ITPR2: variants seen among roughly 807,000 people sequenced by gnomAD.
ITPR2 encodes inositol 1,4,5-trisphosphate-gated calcium channel ITPR2.
ITPR2 carries 207 observed loss-of-function variants against 317.1 expected under a neutral mutation model. The ratio of observed to expected loss-of-function variants is 0.65; its 90% CI spans 0.58 to 0.73. The LOEUF is 0.73. Ranked by LOEUF, ITPR2 falls within the 30% of genes least tolerant of loss-of-function variation. ITPR2 has a pLI of 0.00. For missense variants in ITPR2, 2,613 were observed against 3,284.0 expected (o/e 0.80, Z 4.99); for synonymous variants, 1,156 against 1,149.1 (o/e 1.01, Z -0.12).
chr12:26,362,296 C>T (rs1004763776), intron 55 of ITPR2, among the ~76,000 whole-genome samples: 3 of 152,182 alleles, frequency 2.0e-5, no homozygotes, highest in South Asian at 2.1e-4. Context: ...AGGTCAAACC[C>T]AGAACTAGCA....
chr12:26,348,452 T>A (rs1446688742), intron 55 of ITPR2, among the ~76,000 whole-genome samples: 1 of 152,176 alleles, frequency 6.6e-6, no homozygotes, highest in African/African-American at 2.4e-5. Context: ...TTAGGCATTA[T>A]CTCAAAAAAT....
In ITPR2 at chr12:26,663,465, C is replaced by G. The variant is rs561441244; in HGVS notation, c.1713+220G>C. ...AACAGGCACATATTAGTACTCAGGACATCCTCCCCCAGTGATTCTAATTTC... is the reference window on the plus strand; with the variant it reads ...AACAGGCACATATTAGTACTCAGGAGATCCTCCCCCAGTGATTCTAATTTC... On this transcript the variant is annotated intron_variant, in intron 15 of 56. Coordinates refer to ENST00000381340, the MANE Select transcript of ITPR2 (RefSeq NM_002223.4). 3.3e-4 allele frequency among the ~76,000 whole-genome samples: 50 copies of G among 152,342 alleles called. 3 individuals are homozygous for G. The South Asian group carries it at 9.3e-3, about 28-fold the overall frequency.
intron 9 of ITPR2, among the ~76,000 whole-genome samples, chr12:26,696,457 G>A (rs565370628): frequency 6.6e-6 from 1 of 152,122 alleles, no homozygotes; most frequent in Non-Finnish European, 1.5e-5. Flanking sequence ...TAAAATGTAA[G>A]GTTAGGAGTC....
intron 1 of ITPR2, among the ~76,000 whole-genome samples, chr12:26,809,264 G>T (rs766519403): frequency 6.6e-6 from 1 of 152,018 alleles, no homozygotes; most frequent in Non-Finnish European, 1.5e-5. Context: ...GTCCCTAAAC[G>T]TCCCCTAAGA....
At chr12:26,528,519 C>T (rs145284751) in intron 37 of ITPR2, among the ~76,000 whole-genome samples, 1 of 152,312 alleles carries the variant, frequency 6.6e-6, no homozygotes, top group East Asian at 1.9e-4. Flanking sequence ...CATTTCTTCA[C>T]AGGTCACTGA....
At chr12:26,713,972 C>T (rs943403213) in intron 8 of ITPR2, among the ~76,000 whole-genome samples, 1 of 152,200 alleles carries the variant, frequency 6.6e-6, no homozygotes, top group African/African-American at 2.4e-5. Context: ...CCCAGAGCTT[C>T]TCAGTTCCAT....
chr12:26,777,567 G>T (rs34699075), intron 2 of ITPR2, among the ~76,000 whole-genome samples: 1 of 152,072 alleles, frequency 6.6e-6, no homozygotes, highest in Admixed American at 6.5e-5. Context: ...AGTCTGACTC[G>T]TGTAGAGCTC....
chr12:26,660,470 G>A (rs948888344), intron 15 of ITPR2, among the ~76,000 whole-genome samples: 13 of 152,082 alleles, frequency 8.5e-5, no homozygotes, highest in Middle Eastern at 3.2e-3. Flanking sequence ...TGATTCCTTG[G>A]GATTCTCCCT....
At chr12:26,621,048 T>A (rs1267710754) in intron 26 of ITPR2, 75 bp downstream of exon 26, 1 of 1,295,106 alleles carries the variant, frequency 7.7e-7, no homozygotes, top group Non-Finnish European at 1.1e-6. Flanking sequence ...ACAATTTTGA[T>A]TGTAGAGCAT....
At chr12:26,437,745 C>T (rs1216027280) in intron 47 of ITPR2, among the ~76,000 whole-genome samples, 1 of 151,998 alleles carries the variant, frequency 6.6e-6, no homozygotes, top group East Asian at 1.9e-4. Context: ...AGCACTAGTT[C>T]AGTATTCAAT....
chr12:26,782,411 A>C (rs1239445619), intron 2 of ITPR2, among the ~76,000 whole-genome samples: 1 of 152,154 alleles, frequency 6.6e-6, no homozygotes, highest in Non-Finnish European at 1.5e-5. Context: ...AAAAAAAGTA[A>C]GACTAGAAGA....
chr12:26,578,739 G>A lies in ITPR2; in HGVS notation c.4604C>T (p.Ser1535Phe). The A allele has an allele frequency of 1.2e-6, 2 of 1,607,108 alleles. No homozygotes were observed. The highest frequency in any genetic ancestry group is 8.5e-7 in the Non-Finnish European group (1 of 1,175,094). The change falls in exon 34 of 57, where the codon TCC (serine) becomes TTC (phenylalanine). Residue 1535 changes from serine to phenylalanine, a missense_variant. Ser to Phe is a radical substitution (Grantham distance 155). Coordinates refer to ENST00000381340, the MANE Select transcript of ITPR2 (RefSeq NM_002223.4). ...PNPAQKASVE[S>F]CIRTLAEVAK... is the part of the protein sequence containing the mutation. The stretch of plus-strand genomic sequence containing the variant: ...CACTTCAGCCAAAGTTCTGATACAG[G>A]ATTCCACTGAGGCTTTCTGCGCTGG...
rs1946568579 is a variant in ITPR2 at position 26,624,330 on chromosome 12, C to A, written c.3091G>T (p.Ala1031Ser). Residue 1031 changes from alanine to serine, a missense_variant, in exon 24 of 57, where the codon GCA becomes TCA. Ala to Ser is a moderately conservative substitution (Grantham distance 99, BLOSUM62 1). Around this residue, in one of 9 missense-constraint regions of ITPR2, gnomAD observed 817 missense variants for 897.6 expected, o/e 0.91. Coordinates refer to ENST00000381340, the MANE Select transcript of ITPR2 (RefSeq NM_002223.4). Reference sequence around the variant, plus strand: ...GCAAACATAGTTTCTGCCTGAGCTGCAATTTCATCTATATCAGGAACAATA... The same window carrying A: ...GCAAACATAGTTTCTGCCTGAGCTGAAATTTCATCTATATCAGGAACAATA... ...SAIVPDIDEI[A>S]AQAETMFAGR... is the part of the protein sequence containing the mutation. 1 of 1,609,800 alleles carries A rather than the reference C, an allele frequency of 6.2e-7. No individual in the cohort carries two copies. Among genetic ancestry groups the A allele is most frequent in the African/African-American group, 1.3e-5 (1 of 74,736 alleles).
At chr12:26,659,525 G>A (rs1947449049) in intron 15 of ITPR2, among the ~76,000 whole-genome samples, 1 of 152,102 alleles carries the variant, frequency 6.6e-6, no homozygotes, top group East Asian at 1.9e-4. Context: ...ATAATTATCA[G>A]TATAGGTATT....
chr12:26,395,675 C>G (rs1425446661), intron 54 of ITPR2, among the ~76,000 whole-genome samples: 1 of 152,166 alleles, frequency 6.6e-6, no homozygotes, highest in Non-Finnish European at 1.5e-5. Context: ...GCATCATTCT[C>G]CTGTATGGGA....
At chr12:26,616,995 A>G (rs564972549) in intron 26 of ITPR2, among the ~76,000 whole-genome samples, 1 of 152,272 alleles carries the variant, frequency 6.6e-6, no homozygotes, top group Admixed American at 6.5e-5. Context: ...AATTCACACA[A>G]CACAGAAAAT....
In ITPR2 at chr12:26,342,770, C is replaced by T. The variant is rs554702659; in HGVS notation, c.7858-2442G>A. Among the ~76,000 whole-genome samples, 43 of 152,104 alleles carry T rather than the reference C, an allele frequency of 2.8e-4. 1 individual carries two copies. The highest frequency in any genetic ancestry group is 4.4e-5 in the Non-Finnish European group (3 of 67,996). ...GATTATAGGTGTGCGCCACCATGCC[C>T]GGCTGATTTTGAATTTTTAGTAGAG... On this transcript the variant is annotated intron_variant, in intron 55 of 56. Transcript: ENST00000381340.
chr12:26,785,425 A>G (rs1592129696), intron 2 of ITPR2, among the ~76,000 whole-genome samples: 3 of 62,862 alleles, frequency 4.8e-5, no homozygotes, highest in Non-Finnish European at 7.9e-5. Flanking sequence ...TCCAGGAGGG[A>G]GGTGGGGGGG....
In ITPR2 at chr12:26,793,274, T is replaced by G. The variant is rs1036118261; in HGVS notation, c.93-3047A>C. ...TTGATCTATTCCATCCCTAGTTAAC[T>G]CATTTAGACCATGTCATAATTTTGC... On this transcript the variant is annotated intron_variant, in intron 1 of 56. Coordinates refer to ENST00000381340, the MANE Select transcript of ITPR2 (RefSeq NM_002223.4). Among the ~76,000 whole-genome samples, 4 of 152,172 alleles carry G rather than the reference T, an allele frequency of 2.6e-5. 1 individual carries two copies. The South Asian group carries it at 8.3e-4, about 31-fold the overall frequency.
Sources: allele counts gnomAD v4.1 joint callset (sites outside exome capture counted in the v4.1 genomes callset), GRCh38; gene constraint gnomAD v4.1.1; regional missense constraint gnomAD v4.1.1; transcripts MANE v1.5; gene names NCBI Gene and HGNC (gene_info 2026-07-23, HGNC 2026-07-21).